The following SIPA1L1 variants were observed in gnomAD, a reference collection of about 807,000 sequenced individuals.
SIPA1L1 encodes the protein signal induced proliferation associated 1 like 1, also known as signal-induced proliferation-associated 1-like protein 1.
SIPA1L1 carries 26 observed loss-of-function variants against 162.7 expected under a neutral mutation model. The ratio of observed to expected loss-of-function variants is 0.16; its 90% CI spans 0.12 to 0.22. SIPA1L1 has a LOEUF of 0.22. SIPA1L1 is among the 10% of genes least tolerant of loss of function. The pLI is 1.00. For missense variants in SIPA1L1, 1,874 were observed against 2,241.0 expected (o/e 0.84, Z 3.31); for synonymous variants, 829 against 837.4 (o/e 0.99, Z 0.17).
chr14:71,356,587 A>AAAAAAAAAAAAAAG (rs1555403582), intron 2 of SIPA1L1, among the ~76,000 whole-genome samples: 1 of 146,808 alleles, frequency 6.8e-6, no homozygotes, highest in African/African-American at 2.5e-5. Context: ...AAAAAAAAAA[A>AAAAAAAAAAAAAAG]GCACACCTGT....
chr14:71,415,419 T>A (rs968855603), intron 2 of SIPA1L1, among the ~76,000 whole-genome samples: 2 of 152,200 alleles, frequency 1.3e-5, no homozygotes, highest in Admixed American at 1.3e-4. Flanking sequence ...TCCAGGCTTA[T>A]AATAGCAACA....
At chr14:71,543,877 A>G (rs1416834728) in intron 4 of SIPA1L1, among the ~76,000 whole-genome samples, 94 of 146,254 alleles carry the variant, frequency 6.4e-4, no homozygotes, top group Non-Finnish European at 1.1e-3. Context: ...ACGTATGTGT[A>G]TATATACATA....
intron 4 of SIPA1L1, among the ~76,000 whole-genome samples, chr14:71,533,899 CA>C (rs1198195880): frequency 6.6e-6 from 1 of 151,146 alleles, no homozygotes; most frequent in Non-Finnish European, 1.5e-5. Context: ...ATATAAATTA[CA>C]AAAACCTTCA....
intron 2 of SIPA1L1, among the ~76,000 whole-genome samples, chr14:71,411,744 A>ACTAC (rs2042421279): frequency 6.6e-6 from 1 of 152,210 alleles, no homozygotes; most frequent in Non-Finnish European, 1.5e-5. Flanking sequence ...TCTTTGCCCC[A>ACTAC]CTACCCACAG....
chr14:71,514,375 C>T (rs539946791), intron 3 of SIPA1L1, among the ~76,000 whole-genome samples: 1 of 152,242 alleles, frequency 6.6e-6, no homozygotes, highest in African/African-American at 2.4e-5. Context: ...GGCATTCTTC[C>T]CTTACCAGCA....
intron 10 of SIPA1L1, among the ~76,000 whole-genome samples, chr14:71,662,616 C>T (rs1018775248): frequency 6.6e-6 from 1 of 152,166 alleles, no homozygotes; most frequent in East Asian, 1.9e-4. Context: ...TATGCCGCCT[C>T]TCTTACATGC....
intron 7 of SIPA1L1, among the ~76,000 whole-genome samples, chr14:71,644,985 C>G (rs1331640594): frequency 1.3e-5 from 2 of 152,204 alleles, no homozygotes; most frequent in Non-Finnish European, 2.9e-5. Flanking sequence ...TTTTACAGTT[C>G]TGTAAGTTAA....
intron 17 of SIPA1L1, among the ~76,000 whole-genome samples, chr14:71,710,020 G>A (rs935665447): frequency 6.6e-6 from 1 of 152,166 alleles, no homozygotes; most frequent in Non-Finnish European, 1.5e-5. Flanking sequence ...TGAAGACTAT[G>A]TTTTTAAAAT....
chr14:71,591,368 G>C (rs1247204781), intron 5 of SIPA1L1, among the ~76,000 whole-genome samples: 1 of 152,144 alleles, frequency 6.6e-6, no homozygotes, highest in Admixed American at 6.6e-5. Flanking sequence ...TGTCTGAACA[G>C]AGTCATGTTC....
intron 2 of SIPA1L1, among the ~76,000 whole-genome samples, chr14:71,462,038 C>T (rs544324479): frequency 6.6e-6 from 1 of 152,306 alleles, no homozygotes; most frequent in South Asian, 2.1e-4. Flanking sequence ...GTATATACCA[C>T]TTCCATTTGA....
chr14:71,331,496 G>T (rs2034538459), intron 2 of SIPA1L1, among the ~76,000 whole-genome samples: 1 of 152,212 alleles, frequency 6.6e-6, no homozygotes, highest in South Asian at 2.1e-4. Context: ...CATAGTAAAA[G>T]CTGTGTGTCT....
chr14:71,629,650 A>G (rs1313394852), intron 7 of SIPA1L1, among the ~76,000 whole-genome samples: 2 of 152,264 alleles, frequency 1.3e-5, no homozygotes, highest in African/African-American at 4.8e-5. Context: ...TGTTTTCATT[A>G]GGAAATGTCA....
chr14:71,725,482 C>T (rs938220194), intron 19 of SIPA1L1, among the ~76,000 whole-genome samples: 6 of 152,190 alleles, frequency 3.9e-5, no homozygotes, highest in Non-Finnish European at 5.9e-5. Context: ...CTGTAAATGT[C>T]TTCTCTAAAA....
At chr14:71,521,628 C>G (rs1211548481) in intron 3 of SIPA1L1, among the ~76,000 whole-genome samples, 1 of 152,150 alleles carries the variant, frequency 6.6e-6, no homozygotes, top group Non-Finnish European at 1.5e-5. Context: ...GTGCTGAACC[C>G]CATTAGTGTC....
chr14:71,691,297 G>A, intron 13 of SIPA1L1, among the ~76,000 whole-genome samples: 1 of 152,118 alleles, frequency 6.6e-6, no homozygotes, highest in East Asian at 1.9e-4. Flanking sequence ...TCACCAGCAA[G>A]TTTGCCTGTG....
At chr14:71,615,864 T>C (rs1346371199) in intron 5 of SIPA1L1, among the ~76,000 whole-genome samples, 1 of 152,040 alleles carries the variant, frequency 6.6e-6, no homozygotes, top group African/African-American at 2.4e-5. Flanking sequence ...GGCATGATGG[T>C]GCACACCTGT....
Position 71,624,192 on chromosome 14 carries a change from A to T in SIPA1L1, c.1774A>T (p.Thr592Ser), listed in dbSNP as rs2148601103. 4 of 1,614,060 alleles carry T rather than the reference A, an allele frequency of 2.5e-6. No homozygotes were observed. The South Asian group carries it at 3.3e-5, about 13-fold the overall frequency. The change falls in exon 7 of 24, where the codon ACA becomes TCA. Residue 592 changes from threonine to serine, a missense_variant. Thr to Ser is a moderately conservative substitution (Grantham distance 58). Coordinates refer to ENST00000381232, the MANE Select transcript of SIPA1L1 (RefSeq NM_001386936.1). Reference sequence around the variant, plus strand: ...CCAGTGCCTGCGGTTGGCCTTCAACACACCCAAGGTCACAGAGCAGCTCAT... The same window carrying T: ...CCAGTGCCTGCGGTTGGCCTTCAACTCACCCAAGGTCACAGAGCAGCTCAT... ...NVQCLRLAFN[T>S]PKVTEQLMKL... is the part of the protein sequence containing the mutation.
At chr14:71,388,997 C>T (rs560857137) in intron 2 of SIPA1L1, among the ~76,000 whole-genome samples, 1 of 152,226 alleles carries the variant, frequency 6.6e-6, no homozygotes, top group East Asian at 1.9e-4. Context: ...CCAGGCTGGT[C>T]TCGAACTCCT....
chr14:71,328,007 C>G (rs982353054), intron 2 of SIPA1L1, among the ~76,000 whole-genome samples: 1 of 152,064 alleles, frequency 6.6e-6, no homozygotes, highest in Non-Finnish European at 1.5e-5. Flanking sequence ...TGTCTCTTTT[C>G]CAGTTTGAGA....
Sources: gnomAD v4.1 joint callset for allele counts (sites outside exome capture counted in the v4.1 genomes callset) on GRCh38, gnomAD v4.1.1 for gene constraint, MANE v1.5 for transcripts, NCBI Gene and HGNC (gene_info 2026-07-23, HGNC 2026-07-21) for gene names.